The following SCCPDH variants were observed in gnomAD, a reference collection of about 807,000 sequenced individuals.
The protein encoded by SCCPDH is saccharopine dehydrogenase-like oxidoreductase.
Under a neutral mutation model 51.5 loss-of-function variants are expected in SCCPDH, and 34 were observed. The observed-to-expected ratio is 0.66, with a 90% confidence interval of 0.50 to 0.88. SCCPDH has a LOEUF of 0.88. SCCPDH is among the 40% of genes least tolerant of loss of function. SCCPDH has a pLI of 0.00. For missense variants in SCCPDH, 464 were observed against 527.1 expected (o/e 0.88, Z 1.17); for synonymous variants, 187 against 191.3 (o/e 0.98, Z 0.19).
At chr1:246,767,102 CA>C (rs2102992335) in intron 11 of SCCPDH, 92 bp from the exon 12 acceptor site, 2 of 786,186 alleles carry the variant, frequency 2.5e-6, no homozygotes, top group East Asian at 6.1e-5. Context: ...CTTGGGTTTT[CA>C]GGGGTTCTGT....
At chr1:246,727,489 C>T (rs1320309473) in intron 2 of SCCPDH, among the ~76,000 whole-genome samples, 2 of 152,080 alleles carry the variant, frequency 1.3e-5, no homozygotes, top group Non-Finnish European at 2.9e-5. Flanking sequence ...GTGAACAAAA[C>T]AGAAAATCCC....
At position 246,758,225 on chromosome 1, in the gene SCCPDH, G is replaced by A. The variant is rs930068612; in HGVS notation, c.565-1G>A. ...CTTTAACTCTTGAAATATTTTATTA[G>A]GGGTTGAGCATTCATGATGGTACCT... is the stretch of plus-strand genomic sequence containing the variant. On this transcript the variant is annotated splice_acceptor_variant, in intron 5 of 11. Coordinates refer to ENST00000366510, the MANE Select transcript of SCCPDH (RefSeq NM_016002.3). LOFTEE classifies it high-confidence loss of function. The A allele has an allele frequency of 6.4e-7, 1 of 1,566,778 alleles. No individual in the cohort carries two copies. The highest frequency in any genetic ancestry group is 8.6e-7 in the Non-Finnish European group (1 of 1,160,794).
At chr1:246,743,838 A>AC (rs1360585587) in intron 4 of SCCPDH, among the ~76,000 whole-genome samples, 2 of 152,102 alleles carry the variant, frequency 1.3e-5, no homozygotes, top group Non-Finnish European at 2.9e-5. Context: ...CAATCCTTAG[A>AC]CCTAATAGAG....
intron 10 of SCCPDH, 68 bp downstream of exon 10, chr1:246,764,425 T>A (rs768460180): frequency 1.3e-6 from 1 of 774,826 alleles, no homozygotes; most frequent in Non-Finnish European, 2.1e-6. Flanking sequence ...ACAATGCCAT[T>A]ACAATATATT....
At chr1:246,754,999 GC>G (rs1668909633) in intron 5 of SCCPDH, among the ~76,000 whole-genome samples, 1 of 152,012 alleles carries the variant, frequency 6.6e-6, no homozygotes, top group African/African-American at 2.4e-5. Flanking sequence ...ATTTCTGTAT[GC>G]CAGCTACAGT....
intron 9 of SCCPDH, among the ~76,000 whole-genome samples, chr1:246,761,875 A>C (rs1277493706): frequency 6.6e-6 from 1 of 152,218 alleles, no homozygotes; most frequent in Non-Finnish European, 1.5e-5. Context: ...TACCTCTTCA[A>C]GACTCTGCTT....
chr1:246,732,689 G>A (rs1254031641), intron 2 of SCCPDH, among the ~76,000 whole-genome samples: 1 of 152,212 alleles, frequency 6.6e-6, no homozygotes, highest in East Asian at 1.9e-4. Context: ...CACCCAGCCT[G>A]CTTCCAGGTT....
Position 246,724,449 on chromosome 1 carries a change from C to T in SCCPDH, c.27C>T (p.His9=). Residue 9 remains histidine (H), a synonymous_variant, in exon 1 of 12, where the codon CAC becomes CAT. Coordinates refer to ENST00000366510, the MANE Select transcript of SCCPDH (RefSeq NM_016002.3). The part of the protein sequence containing the change: MATEQRPF[H]LVVFGASGFT... ...TGGCGACCGAGCAGAGGCCTTTCCA[C>T]CTGGTGGTGTTCGGCGCGTCTGGCT... The T allele has an allele frequency of 6.9e-6, 11 of 1,588,936 alleles. No individual in the cohort carries two copies. Among genetic ancestry groups the T allele is most frequent in the Non-Finnish European group, 9.4e-6 (11 of 1,170,416 alleles).
chr1:246,753,649 G>T (rs969571276), intron 5 of SCCPDH, among the ~76,000 whole-genome samples: 1 of 152,064 alleles, frequency 6.6e-6, no homozygotes, highest in Admixed American at 6.6e-5. Flanking sequence ...TTGATCCGCT[G>T]TAGGAACGTT....
chr1:246,747,646 T>C (rs987490602), intron 5 of SCCPDH, among the ~76,000 whole-genome samples: 2 of 152,228 alleles, frequency 1.3e-5, no homozygotes, highest in Non-Finnish European at 2.9e-5. Flanking sequence ...AAGGTGTTCT[T>C]ATCCCTGACA....
chr1:246,747,979 T>C (rs1668786797), intron 5 of SCCPDH, among the ~76,000 whole-genome samples: 1 of 152,190 alleles, frequency 6.6e-6, no homozygotes, highest in African/African-American at 2.4e-5. Flanking sequence ...TCAGGACTCA[T>C]TGTACGTAAC....
intron 9 of SCCPDH, 34 bp downstream of exon 9, chr1:246,760,261 A>G (rs1465169688): frequency 1.3e-6 from 2 of 1,556,666 alleles, no homozygotes; most frequent in East Asian, 4.5e-5. Context: ...CTAAAATAAT[A>G]TTTTTCTTTG....
chr1:246,744,194 G>A (rs1332315777), intron 5 of SCCPDH, 69 bp downstream of exon 5: 2 of 864,036 alleles, frequency 2.3e-6, no homozygotes, highest in Non-Finnish European at 3.7e-6. Context: ...TGATACATGT[G>A]TCTTTTAGGT....
chr1:246,735,053 G>A (rs1668546529), intron 2 of SCCPDH, among the ~76,000 whole-genome samples: 1 of 152,154 alleles, frequency 6.6e-6, no homozygotes, highest in Non-Finnish European at 1.5e-5. Context: ...AGCCCAGCTA[G>A]TCAGGAAATC....
chr1:246,743,878 A>G (rs957376315), intron 4 of SCCPDH, among the ~76,000 whole-genome samples, 198 bp from the exon 5 acceptor site: 5 of 152,218 alleles, frequency 3.3e-5, no homozygotes, highest in Non-Finnish European at 1.5e-5. Flanking sequence ...ACTCTTTCTG[A>G]TGGTTTACCT....
At chr1:246,747,534 G>A (rs1668780013) in intron 5 of SCCPDH, among the ~76,000 whole-genome samples, 1 of 152,140 alleles carries the variant, frequency 6.6e-6, no homozygotes, top group African/African-American at 2.4e-5. Flanking sequence ...AAAAGAAATA[G>A]CGCTGAAACA....
intron 3 of SCCPDH, among the ~76,000 whole-genome samples, chr1:246,737,038 G>C (rs950357417): frequency 1.3e-5 from 2 of 152,242 alleles, no homozygotes; most frequent in East Asian, 3.9e-4. Context: ...AGGAAGTTAT[G>C]TGTTAACAGG....
intron 3 of SCCPDH, among the ~76,000 whole-genome samples, chr1:246,738,815 C>T (rs552825498): frequency 6.6e-6 from 1 of 152,120 alleles, no homozygotes; most frequent in South Asian, 2.1e-4. Context: ...TCTGCACCAT[C>T]GCACTCCAGC....
At position 246,724,495 on chromosome 1, in the gene SCCPDH, G is replaced by A. The variant is rs771394477; in HGVS notation, c.73G>A (p.Glu25Lys). The A allele has an allele frequency of 3.2e-6, 5 of 1,581,422 alleles. No individual in the cohort carries two copies. The African/African-American group carries it at 4.2e-5, about 13-fold the overall frequency. The stretch of plus-strand genomic sequence containing the variant: ...TGGCTTCACCGGCCAGTTCGTGACC[G>A]AGGAGGTGGCCCGGGAGCAGGTGGA... Reference protein sequence around the residue: ...ASGFTGQFVTEEVAREQVDPE... With the variant: ...ASGFTGQFVTKEVAREQVDPE... Residue 25 changes from glutamate (E) to lysine (K), a missense_variant, in exon 1 of 12, where the codon GAG (glutamate) becomes AAG (lysine). By Grantham distance (56) the Glu-to-Lys change is moderately conservative. Coordinates refer to ENST00000366510, the MANE Select transcript of SCCPDH (RefSeq NM_016002.3).
Sources: gnomAD v4.1 joint callset for allele counts (sites outside exome capture counted in the v4.1 genomes callset) on GRCh38, gnomAD v4.1.1 for gene constraint, MANE v1.5 for transcripts, NCBI Gene and HGNC (gene_info 2026-07-23, HGNC 2026-07-21) for gene names.